CD163L1: variants seen among roughly 807,000 people sequenced by gnomAD.
The protein encoded by CD163L1 is scavenger receptor cysteine-rich type 1 protein M160.
A neutral mutation model predicts 165.4 loss-of-function variants in CD163L1; 124 were observed. The ratio of observed to expected loss-of-function variants is 0.75; its 90% CI spans 0.65 to 0.87. The LOEUF (loss-of-function observed/expected upper bound fraction) is 0.87. CD163L1 is among the 40% of genes least tolerant of loss of function. The probability of loss-of-function intolerance (pLI) is 0.00; values close to 1 mark genes in which losing one functional copy is unlikely to be tolerated. For missense variants in CD163L1, 1,525 were observed against 1,799.9 expected, an observed-to-expected ratio of 0.85 and a Z score of 2.76; for synonymous variants, 585 against 662.2, an observed-to-expected ratio of 0.88 and a Z score of 1.79.
At chr12:7,384,244 G>T (rs1233255905) in intron 8 of CD163L1, among the ~76,000 whole-genome samples, 1 of 151,858 alleles carries the variant, frequency 6.6e-6, no homozygotes, top group African/African-American at 2.4e-5. Context: ...CCTAGTAAAA[G>T]AAAAAGAAAG....
chr12:7,322,672 C>T, the CD163L1 span: 1 of 1,155,856 alleles, frequency 8.7e-7, no homozygotes, highest in South Asian at 1.7e-5. Context: ...CTCACCTTGC[C>T]AGTAGTTACC....
chr12:7,371,270 T>C (rs1261919107), intron 14 of CD163L1, among the ~76,000 whole-genome samples: 1 of 152,192 alleles, frequency 6.6e-6, no homozygotes, highest in Non-Finnish European at 1.5e-5. Flanking sequence ...TTTCACAAAA[T>C]TGACTCAAGA....
chr12:7,439,777 C>G lies in CD163L1; in HGVS notation c.124+1377G>C, dbSNP rs1243259136. ...GCGAACTTTGTAAAGAATTTCACCCCCCTCGATCTTTATGTCCAGGATCTT... is the reference window on the plus strand; with the variant it reads ...GCGAACTTTGTAAAGAATTTCACCCGCCTCGATCTTTATGTCCAGGATCTT... On this transcript the variant is annotated intron_variant, in intron 2 of 19. Coordinates refer to ENST00000313599, the MANE Select transcript of CD163L1 (RefSeq NM_174941.6). 5 of 1,613,644 alleles carry G rather than the reference C, an allele frequency of 3.1e-6. No individual in the cohort carries two copies. In the South Asian group the frequency reaches 3.3e-5, roughly 11 times the overall value.
rs768757699 is a variant in CD163L1 at position 7,433,572 on chromosome 12, T to C, written c.247A>G (p.Thr83Ala). ...CDDGWNTTAS[T>A]VVCKQLGCPF... ...CATCCAAGCTGTTTGCACACGACAG[T>C]TGAGGCAGTAGTGTTCCACCCATCA... The change falls in exon 3 of 20, where the codon ACT becomes GCT. Residue 83 changes from threonine (T) to alanine (A), a missense_variant. Thr to Ala is a moderately conservative substitution (Grantham distance 58). Transcript: ENST00000313599. 3 of 1,614,042 alleles carry C rather than the reference T, an allele frequency of 1.9e-6. No homozygotes were observed. Among genetic ancestry groups the C allele is most frequent in the Non-Finnish European group, 2.5e-6 (3 of 1,179,994 alleles).
downstream of CD163L1, among the ~76,000 whole-genome samples, chr12:7,354,395 T>A (rs1946735661): frequency 6.6e-6 from 1 of 152,098 alleles, no homozygotes; most frequent in Non-Finnish European, 1.5e-5. Context: ...CATGAATAAA[T>A]CTATCAGGGA....
chr12:7,396,083 T>TG lies in CD163L1; in HGVS notation c.2050+11dup, dbSNP rs1270763319. 6.3e-7 allele frequency: 1 copy of TG among 1,589,290 alleles called. No individual in the cohort carries two copies. Among genetic ancestry groups the TG allele is most frequent in the African/African-American group, 1.3e-5 (1 of 74,446 alleles). ...AGTTTCTTTTAAGGAAGCCCTGGTT[T>TG]GGGTATCTTACCAGAACAGATCACT... On this transcript the variant is annotated intron_variant, in intron 8 of 19. Coordinates refer to ENST00000313599, the MANE Select transcript of CD163L1 (RefSeq NM_174941.6).
intron 6 of CD163L1, among the ~76,000 whole-genome samples, chr12:7,399,149 T>C (rs1364560283): frequency 7.9e-5 from 12 of 152,006 alleles, no homozygotes; most frequent in Non-Finnish European, 1.3e-4. Context: ...CCTTTCTTCC[T>C]TCCTTCCTTC....
intron 18 of CD163L1, 162 bp from the exon 19 acceptor site, chr12:7,357,648 T>C (rs10844773): frequency 0.14 from 63,829 of 470,162 alleles, 4,769 homozygotes; most frequent in African/African-American, 0.19. Flanking sequence ...TGAAGTAAAA[T>C]AATTATCATA....
chr12:7,410,053 T>C (rs970874705), intron 4 of CD163L1, among the ~76,000 whole-genome samples: 2 of 151,724 alleles, frequency 1.3e-5, no homozygotes, highest in African/African-American at 4.8e-5. Context: ...ATAAAAACTA[T>C]AAAAATAAAC....
intron 8 of CD163L1, among the ~76,000 whole-genome samples, chr12:7,389,175 C>T (rs1043146320): frequency 6.6e-6 from 1 of 152,158 alleles, no homozygotes; most frequent in African/African-American, 2.4e-5. Flanking sequence ...TGTGAGGAAC[C>T]TCCAAACTGT....
At position 7,347,501 on chromosome 12, in the gene CD163L1, C is replaced by T. The variant is rs760060882; in HGVS notation, c.*25-354G>A. On this transcript the variant is annotated intron_variant, in intron 4 of 4. Coordinates refer to the CD163L1 transcript ENST00000539726. The surrounding 1 kb of genome is among the most constrained non-coding windows in gnomAD (Gnocchi z 4.2). The stretch of plus-strand genomic sequence containing the variant: ...TAAGGTAAAAAGGAATGGTCTCGGC[C>T]GGGCGCGGTGGCTCACGCTTGTAAT... Among the ~76,000 whole-genome samples the T allele has an allele frequency of 5.3e-5, 8 of 152,176 alleles. No homozygotes were observed. Among genetic ancestry groups the T allele is most frequent in the South Asian group, 4.2e-4 (2 of 4,808 alleles).
chr12:7,327,130 T>C, the CD163L1 span: 19 of 1,561,866 alleles, frequency 1.2e-5, no homozygotes, highest in South Asian at 2.2e-4. Context: ...GTTTGGATGT[T>C]ACCAAACTAG....
chr12:7,351,530 C>T (rs958983926), downstream of CD163L1, among the ~76,000 whole-genome samples: 4 of 152,134 alleles, frequency 2.6e-5, no homozygotes, highest in African/African-American at 9.7e-5. Flanking sequence ...TAGGGATTCC[C>T]ACCCTATGAT....
chr12:7,326,847 C>T, the CD163L1 span: 3 of 1,037,302 alleles, frequency 2.9e-6, no homozygotes, highest in Non-Finnish European at 4.0e-6. Flanking sequence ...CAGAGGTAAC[C>T]TCTGGCATTT....
At chr12:7,377,232 G>T (rs1947288553) in intron 9 of CD163L1, among the ~76,000 whole-genome samples, 1 of 152,072 alleles carries the variant, frequency 6.6e-6, no homozygotes. Flanking sequence ...TGACCTTCGA[G>T]TCTTTGTCTA....
chr12:7,333,639 T>A, the CD163L1 span, among the ~76,000 whole-genome samples: 3 of 151,898 alleles, frequency 2.0e-5, no homozygotes, highest in African/African-American at 7.3e-5. Flanking sequence ...ATAACTAAGA[T>A]CAGAGCAGAA....
the CD163L1 span, among the ~76,000 whole-genome samples, chr12:7,331,728 T>C: frequency 6.6e-6 from 1 of 152,228 alleles, no homozygotes; most frequent in Non-Finnish European, 1.5e-5. Flanking sequence ...GGGTCCTGAC[T>C]GTTAGAAGGA....
intron 1 of CD163L1, 145 bp downstream of exon 1, chr12:7,443,952 C>T: frequency 1.3e-6 from 1 of 745,150 alleles, no homozygotes; most frequent in Non-Finnish European, 2.1e-6. Context: ...CTAAGTTCCA[C>T]AAAACTTTCA....
chr12:7,323,575 A>T, the CD163L1 span: 1 of 1,603,046 alleles, frequency 6.2e-7, no homozygotes, highest in Non-Finnish European at 8.5e-7. Context: ...GAGGATAGAA[A>T]GTGCTGGTCA....
Sources: allele counts gnomAD v4.1 joint callset (sites outside exome capture counted in the v4.1 genomes callset), GRCh38; gene constraint gnomAD v4.1.1; non-coding constraint Gnocchi (gnomAD v3.1); transcripts MANE v1.5; gene names NCBI Gene and HGNC (gene_info 2026-07-23, HGNC 2026-07-21).